Variants in ZBTB20 observed in about 807,000 individuals in gnomAD.
ZBTB20 encodes the protein zinc finger and BTB domain containing 20, also known as zinc finger and BTB domain-containing protein 20.
Under a neutral mutation model 56.9 loss-of-function variants are expected in ZBTB20, and 9 were observed. The ratio of observed to expected loss-of-function variants is 0.16; its 90% CI spans 0.10 to 0.28. The LOEUF (loss-of-function observed/expected upper bound fraction) is 0.28. Ranked by LOEUF, ZBTB20 falls within the 10% of genes least tolerant of loss-of-function variation. The pLI, the probability that ZBTB20 is intolerant of heterozygous loss-of-function variation, is 1.00. For missense variants in ZBTB20, 655 were observed against 1,003.0 expected, an observed-to-expected ratio of 0.65 and a Z score of 4.69; for synonymous variants, 417 against 420.7, an observed-to-expected ratio of 0.99 and a Z score of 0.11.
chr3:115,118,647 C>A (rs1452285834), intron 1 of ZBTB20, among the ~76,000 whole-genome samples: 1 of 149,544 alleles, frequency 6.7e-6, no homozygotes, highest in Non-Finnish European at 1.5e-5. Flanking sequence ...TAAATAAGAG[C>A]ATATTCACAT....
chr3:114,392,250 C>T (rs529839310), intron 7 of ZBTB20, among the ~76,000 whole-genome samples: 19 of 152,184 alleles, frequency 1.2e-4, no homozygotes, highest in Admixed American at 7.2e-4. Flanking sequence ...ATAACTTAAT[C>T]GTACATTTTA....
At chr3:115,038,555 C>G (rs2081021019) in intron 2 of ZBTB20, among the ~76,000 whole-genome samples, 1 of 152,090 alleles carries the variant, frequency 6.6e-6, no homozygotes, top group African/African-American at 2.4e-5. Flanking sequence ...ACTTGTTGAA[C>G]TGACTAAACT....
chr3:114,359,595 T>A (rs934065737), intron 10 of ZBTB20: 6 of 152,186 alleles, frequency 3.9e-5, no homozygotes, highest in Non-Finnish European at 8.8e-5. Context: ...AGCGCTTTCC[T>A]TACAAATTTA....
At chr3:114,935,940 T>C (rs966681470) in intron 3 of ZBTB20, among the ~76,000 whole-genome samples, 1 of 152,166 alleles carries the variant, frequency 6.6e-6, no homozygotes, top group South Asian at 2.1e-4. Flanking sequence ...TGAGCATCTA[T>C]CCATCCTCAA....
chr3:114,872,702 A>G (rs1424238517), intron 4 of ZBTB20, among the ~76,000 whole-genome samples: 1 of 152,018 alleles, frequency 6.6e-6, no homozygotes, highest in East Asian at 1.9e-4. Context: ...TGTTTGAAGT[A>G]CAAACTAAGA....
chr3:114,682,361 CT>C (rs1440104929), intron 6 of ZBTB20, among the ~76,000 whole-genome samples: 1 of 151,990 alleles, frequency 6.6e-6, no homozygotes, highest in Admixed American at 6.6e-5. Context: ...TCTACAATGC[CT>C]TTTGTATGCT....
intron 3 of ZBTB20, among the ~76,000 whole-genome samples, chr3:114,917,303 T>G (rs1325634636): frequency 6.6e-6 from 1 of 152,170 alleles, no homozygotes; most frequent in Non-Finnish European, 1.5e-5. Context: ...TTATTGAGTT[T>G]CCTCAATAAT....
Position 115,087,054 on chromosome 3 carries a change from G to C in ZBTB20, c.-702-15640C>G, listed in dbSNP as rs72945751. ...ATAGCAACTTTCCCCTGGGGTTCAA[G>C]CACAGAGGCTAACTGGGACAGTTAT... is the stretch of plus-strand genomic sequence containing the variant. On this transcript the variant is annotated intron_variant, in intron 1 of 11. Coordinates refer to ENST00000675478, the MANE Select transcript of ZBTB20 (RefSeq NM_001348800.3). Among the ~76,000 whole-genome samples the C allele has an allele frequency of 5.6e-3, 850 of 151,926 alleles. 12 individuals carry two copies. Among genetic ancestry groups the C allele is most frequent in the African/African-American group, 0.02 (823 of 41,518 alleles).
rs1199216812 is a variant in ZBTB20 at position 114,332,929 on chromosome 3, T to C, written c.*6076A>G. The C allele has an allele frequency of 1.3e-5, 2 of 152,176 alleles. No homozygotes were observed. The highest frequency in any genetic ancestry group is 2.1e-4 in the South Asian group (1 of 4,826). The allele number at this position is 152,176 out of a possible 1,614,324, so 9.4% of individuals were successfully genotyped here. ...CATCATGCAGTGAGGAGAAAATACATAGTTCTGAAAAAGAACCCACACTAG... is the reference window on the plus strand; with the variant it reads ...CATCATGCAGTGAGGAGAAAATACACAGTTCTGAAAAAGAACCCACACTAG... On this transcript the variant is annotated 3_prime_UTR_variant, in exon 12 of 12. Coordinates refer to ENST00000675478, the MANE Select transcript of ZBTB20 (RefSeq NM_001348800.3).
intron 5 of ZBTB20, among the ~76,000 whole-genome samples, chr3:114,733,973 A>C (rs2065944950): frequency 6.6e-6 from 1 of 152,136 alleles, no homozygotes; most frequent in South Asian, 2.1e-4. Flanking sequence ...AGAAGAATAA[A>C]TGATTCACAT....
chr3:114,467,246 A>G (rs989165432), intron 7 of ZBTB20, among the ~76,000 whole-genome samples: 1 of 152,198 alleles, frequency 6.6e-6, no homozygotes, highest in African/African-American at 2.4e-5. Context: ...AGGACTAGAT[A>G]CTTAGATCTC....
intron 8 of ZBTB20, among the ~76,000 whole-genome samples, chr3:114,383,448 CTT>C (rs1576502838): frequency 1.3e-5 from 2 of 152,204 alleles, no homozygotes; most frequent in African/African-American, 2.4e-5. Context: ...TAGATTCGCT[CTT>C]GTTTCCTACC....
At chr3:114,875,633 C>T (rs909808802) in intron 4 of ZBTB20, among the ~76,000 whole-genome samples, 3 of 152,080 alleles carry the variant, frequency 2.0e-5, no homozygotes, top group African/African-American at 7.2e-5. Context: ...ATATAACCCT[C>T]CCTTGTGTTG....
intron 6 of ZBTB20, among the ~76,000 whole-genome samples, chr3:114,615,406 T>C (rs558435288): frequency 5.9e-5 from 9 of 152,306 alleles, no homozygotes; most frequent in African/African-American, 2.2e-4. Context: ...TACTATTATT[T>C]TCACAAGTGA....
chr3:114,353,583 T>A (rs1012828112), intron 10 of ZBTB20, among the ~76,000 whole-genome samples: 1 of 152,164 alleles, frequency 6.6e-6, no homozygotes, highest in Admixed American at 6.5e-5. Context: ...AGAATTAAGG[T>A]AAATCCCCTG....
intron 7 of ZBTB20, among the ~76,000 whole-genome samples, chr3:114,465,311 C>T (rs2092497386): frequency 6.6e-6 from 1 of 152,102 alleles, no homozygotes; most frequent in Non-Finnish European, 1.5e-5. Flanking sequence ...TTAGCTTGTA[C>T]TGACACCATT....
At chr3:114,916,117 A>G (rs1357094581) in intron 3 of ZBTB20, among the ~76,000 whole-genome samples, 1 of 152,032 alleles carries the variant, frequency 6.6e-6, no homozygotes, top group Non-Finnish European at 1.5e-5. Flanking sequence ...GATTTTCTGT[A>G]TGGATGATCT....
chr3:114,552,473 T>C (rs1282863432), intron 6 of ZBTB20, among the ~76,000 whole-genome samples: 1 of 152,072 alleles, frequency 6.6e-6, no homozygotes, highest in Non-Finnish European at 1.5e-5. Flanking sequence ...TAATCAGTTC[T>C]GCTTTAGAAC....
intron 3 of ZBTB20, among the ~76,000 whole-genome samples, chr3:114,937,588 AT>A (rs2076584416): frequency 6.6e-6 from 1 of 151,440 alleles, no homozygotes; most frequent in Non-Finnish European, 1.5e-5. Flanking sequence ...CATCCTGTTA[AT>A]TTTTTGTATT....
Sources: gnomAD v4.1 joint callset for allele counts (sites outside exome capture counted in the v4.1 genomes callset) on GRCh38, gnomAD v4.1.1 for gene constraint, MANE v1.5 for transcripts, NCBI Gene and HGNC (gene_info 2026-07-23, HGNC 2026-07-21) for gene names.